CDYL: variants seen among roughly 807,000 people sequenced by gnomAD.
CDYL encodes chromodomain Y-like protein.
A neutral mutation model predicts 47.3 loss-of-function variants in CDYL; 8 were observed. The observed-to-expected ratio is 0.17, with a 90% CI of 0.10 to 0.31. The LOEUF (loss-of-function observed/expected upper bound fraction) is 0.31. CDYL is among the 10% of genes least tolerant of loss of function. CDYL has a pLI of 1.00. For synonymous variants in CDYL, 266 were observed against 265.0 expected, an observed-to-expected ratio of 1.00 and a Z score of -0.04; for missense variants, 471 against 701.4, an observed-to-expected ratio of 0.67 and a Z score of 3.71.
At chr6:4,909,387 T>C (rs115541165) in intron 2 of CDYL, among the ~76,000 whole-genome samples, 2,707 of 152,272 alleles carry the variant, frequency 0.018, 72 homozygotes, top group African/African-American at 0.062. Flanking sequence ...TGCATCCTTA[T>C]TATCAGCTCT....
intron 1 of CDYL, among the ~76,000 whole-genome samples, chr6:4,865,834 A>G (rs925291152): frequency 1.3e-5 from 2 of 152,250 alleles, no homozygotes; most frequent in Non-Finnish European, 2.9e-5. Flanking sequence ...TTAGATCTCT[A>G]GTCAGTGTCA....
upstream of CDYL, among the ~76,000 whole-genome samples, chr6:4,775,731 C>A: frequency 6.8e-6 from 1 of 148,004 alleles, no homozygotes; most frequent in African/African-American, 2.4e-5. This position sits in a 1 kb window ranked among gnomAD's most constrained non-coding sequence, Gnocchi z 7.0. Flanking sequence ...CCCCGCGGGG[C>A]GCGCGGCCCG....
intron 3 of CDYL, among the ~76,000 whole-genome samples, chr6:4,753,100 C>T (rs1377929556): frequency 1.3e-5 from 2 of 151,918 alleles, no homozygotes; most frequent in African/African-American, 4.8e-5. Context: ...CTGGTAGAGA[C>T]GGGGTTTTGC....
In CDYL at chr6:4,954,679, T is replaced by A. The variant is rs1758814891; in HGVS notation, c.*623T>A. ...TATGCTTAGGATTCATGCTGAGATATCAATTGGTTTCCCCTTCTTTTTAAA... is the reference window on the plus strand; with the variant it reads ...TATGCTTAGGATTCATGCTGAGATAACAATTGGTTTCCCCTTCTTTTTAAA... On this transcript the variant is annotated 3_prime_UTR_variant, in exon 7 of 7. Transcript: ENST00000397588. 2 of 152,496 alleles carry A rather than the reference T, an allele frequency of 1.3e-5. No homozygotes were observed. The highest frequency in any genetic ancestry group is 4.1e-4 in the South Asian group (2 of 4,834). The allele number at this position is 152,496 out of a possible 1,614,324, so 9.4% of individuals were successfully genotyped here. A position where few individuals can be genotyped will look rare whatever the true frequency, so the allele number is the denominator to read the frequency against.
At chr6:4,933,676 C>CT (rs1267292057) in intron 2 of CDYL, among the ~76,000 whole-genome samples, 1 of 152,156 alleles carries the variant, frequency 6.6e-6, no homozygotes, top group Admixed American at 6.5e-5. Context: ...AAGAAAAAGT[C>CT]TTTCCTGAGT....
intron 2 of CDYL, among the ~76,000 whole-genome samples, chr6:4,893,981 C>T (rs1208157580): frequency 6.6e-6 from 1 of 152,234 alleles, no homozygotes; most frequent in Non-Finnish European, 1.5e-5. Context: ...TTTTCAGATA[C>T]ACACTTGACC....
intron 3 of CDYL, among the ~76,000 whole-genome samples, chr6:4,740,313 A>G (rs752776962): frequency 2.0e-5 from 3 of 152,138 alleles, no homozygotes; most frequent in Non-Finnish European, 4.4e-5. Context: ...GTGCTTCTCA[A>G]CCTGGGGACA....
At chr6:4,715,087 C>T (rs1260941699) in intron 1 of CDYL, among the ~76,000 whole-genome samples, 9 of 152,194 alleles carry the variant, frequency 5.9e-5, no homozygotes, top group East Asian at 1.9e-4. Flanking sequence ...TGCATAGGCA[C>T]GCCCAACCAC....
At chr6:4,868,340 A>C (rs955123786) in intron 1 of CDYL, among the ~76,000 whole-genome samples, 5 of 151,044 alleles carry the variant, frequency 3.3e-5, no homozygotes, top group Admixed American at 2.6e-4. Context: ...AATTTTCCCT[A>C]TATTTTCTTT....
chr6:4,880,771 C>G (rs1368846455), intron 1 of CDYL, among the ~76,000 whole-genome samples: 1 of 152,220 alleles, frequency 6.6e-6, no homozygotes, highest in East Asian at 1.9e-4. Flanking sequence ...TTGCATTTCC[C>G]TAGTGACATA....
chr6:4,908,405 C>T (rs1447915983), intron 2 of CDYL, among the ~76,000 whole-genome samples: 1 of 152,154 alleles, frequency 6.6e-6, no homozygotes, highest in African/African-American at 2.4e-5. Flanking sequence ...GTTTGAGAAA[C>T]ACTGATCTGG....
intron 2 of CDYL, among the ~76,000 whole-genome samples, chr6:4,919,063 G>A (rs1392112742): frequency 6.6e-6 from 1 of 152,212 alleles, no homozygotes; most frequent in Non-Finnish European, 1.5e-5. Flanking sequence ...GTTTTGCATA[G>A]TTTATGGTGA....
chr6:4,776,062 C>A (rs941789956), upstream of CDYL, among the ~76,000 whole-genome samples: 7 of 150,442 alleles, frequency 4.7e-5, no homozygotes, highest in South Asian at 2.1e-4. Context: ...TGGGCCGGGC[C>A]GCAAGCGCCC....
At chr6:4,799,531 C>G (rs11968021) in intron 1 of CDYL, among the ~76,000 whole-genome samples, 23,000 of 151,958 alleles carry the variant, frequency 0.15, 1,934 homozygotes, top group African/African-American at 0.22. Flanking sequence ...GCATAGCTTC[C>G]ACTTCTCAGG....
intron 2 of CDYL, among the ~76,000 whole-genome samples, chr6:4,719,425 C>T (rs934022688): frequency 3.3e-5 from 5 of 152,174 alleles, no homozygotes; most frequent in Non-Finnish European, 5.9e-5. Flanking sequence ...CTTCCCTCCC[C>T]TCTAAGTACT....
At position 4,742,377 on chromosome 6, in the gene CDYL, A is replaced by AAG. The variant is rs574930770; in HGVS notation, c.186+7534_186+7535insGA. ...AAGATCCTGTCTCAAAAAAAAAAAAAAAAAGAAAAGAAAAAGGAAGAGAGA... is the reference window on the plus strand; with the variant it reads ...AAGATCCTGTCTCAAAAAAAAAAAAAAGAAAAGAAAAGAAAAAGGAAGAGAGA... On this transcript the variant is annotated intron_variant, in intron 3 of 8. Transcript: ENST00000328908. Among the ~76,000 whole-genome samples the AAG allele has an allele frequency of 5.6e-4, 85 of 151,666 alleles. 1 individual carries two copies. In the South Asian group the frequency reaches 0.012, roughly 22 times the overall value.
intron 1 of CDYL, among the ~76,000 whole-genome samples, chr6:4,847,032 C>T: frequency 6.6e-6 from 1 of 152,226 alleles, no homozygotes; most frequent in Non-Finnish European, 1.5e-5. Flanking sequence ...TACGTTTACA[C>T]AGCCCTGCTG....
intron 1 of CDYL, among the ~76,000 whole-genome samples, chr6:4,804,168 A>G (rs990354494): frequency 2.0e-5 from 3 of 152,176 alleles, no homozygotes; most frequent in Non-Finnish European, 4.4e-5. Context: ...CACTTGTGTT[A>G]TGAGGTCTGG....
At chr6:4,819,116 TTCTCTCTCTCTCTCTCTCTC>T (rs373718294) in intron 1 of CDYL, among the ~76,000 whole-genome samples, 4 of 76,672 alleles carry the variant, frequency 5.2e-5, no homozygotes, top group South Asian at 5.4e-4. Context: ...TTTAGGTTCG[TTCTCTCTCTCTCTCTCTCTC>T]TCTCTCTCTC....
Sources: gnomAD v4.1 joint callset for allele counts (sites outside exome capture counted in the v4.1 genomes callset) on GRCh38, gnomAD v4.1.1 for gene constraint, Gnocchi (gnomAD v3.1) non-coding constraint, MANE v1.5 for transcripts, NCBI Gene and HGNC (gene_info 2026-07-23, HGNC 2026-07-21) for gene names.